Variants in STAP1 observed in about 807,000 individuals in gnomAD.
STAP1 encodes the protein signal-transducing adaptor protein 1.
Under a neutral mutation model 37.8 loss-of-function variants are expected in STAP1, and 30 were observed. That is an observed-to-expected ratio of 0.79 (90% CI 0.59 to 1.08). The LOEUF is 1.08. Ranked by LOEUF, STAP1 falls within the 50% of genes least tolerant of loss-of-function variation. The pLI, the probability that STAP1 is intolerant of heterozygous loss-of-function variation, is 0.00. For missense variants in STAP1, 357 were observed against 349.4 expected (o/e 1.02, Z -0.17); for synonymous variants, 130 against 116.0 (o/e 1.12, Z -0.78).
At chr4:67,589,786 A>C (rs1223057656) in intron 6 of STAP1, among the ~76,000 whole-genome samples, 1 of 151,646 alleles carries the variant, frequency 6.6e-6, no homozygotes, top group Non-Finnish European at 1.5e-5. Context: ...CTAGCAGATA[A>C]CATTATGAGG....
chr4:67,569,811 C>T (rs1727558764), intron 1 of STAP1, among the ~76,000 whole-genome samples: 1 of 152,100 alleles, frequency 6.6e-6, no homozygotes, highest in Non-Finnish European at 1.5e-5. Flanking sequence ...CTCATTGCAA[C>T]CTCTGCCTCC....
rs183557066 is a variant in STAP1 at position 67,558,802 on chromosome 4, A to G, written c.-8A>G. 1.7e-5 allele frequency: 27 copies of G among 1,608,742 alleles called. 1 individual carries two copies. Among genetic ancestry groups the G allele is most frequent in the Middle Eastern group, 3.3e-4 (2 of 6,006 alleles). ...CGAGAAACCAAACCACACACCAAAG[A>G]GAGGGGTATGATGGCTAAGAAGCCC... is the stretch of plus-strand genomic sequence containing the variant. On this transcript the variant is annotated 5_prime_UTR_variant, in exon 1 of 9. Coordinates refer to ENST00000265404, the MANE Select transcript of STAP1 (RefSeq NM_012108.4).
At chr4:67,565,251 G>C (rs960981481) in intron 1 of STAP1, among the ~76,000 whole-genome samples, 7 of 152,130 alleles carry the variant, frequency 4.6e-5, no homozygotes, top group African/African-American at 7.2e-5. Context: ...TTTACAGAAT[G>C]GCTATCTGAT....
At chr4:67,591,139 T>C (rs192982411) in intron 7 of STAP1, among the ~76,000 whole-genome samples, 186 bp downstream of exon 7, 59 of 152,254 alleles carry the variant, frequency 3.9e-4, no homozygotes, top group Admixed American at 8.5e-4. Flanking sequence ...TTCTTTCCAC[T>C]TTTCTTTTTC....
Position 67,606,590 on chromosome 4 carries a change from A to G in STAP1, c.*233A>G. The G allele has an allele frequency of 4.8e-6, 2 of 416,298 alleles. No individual in the cohort carries two copies. The highest frequency in any genetic ancestry group is 8.5e-6 in the Non-Finnish European group (2 of 235,408). 25.8% of individuals were successfully genotyped at this position (416,298 alleles called of 1,614,324 possible). A position where few individuals can be genotyped will look rare whatever the true frequency, so the allele number is the denominator to read the frequency against. ...CTGTGGTGGTAACCTGCAGATATAC[A>G]CATTCCCATGCACTGACATAAGTTG... On this transcript the variant is annotated 3_prime_UTR_variant, in exon 9 of 9. Coordinates refer to ENST00000265404, the MANE Select transcript of STAP1 (RefSeq NM_012108.4).
intron 8 of STAP1, among the ~76,000 whole-genome samples, chr4:67,600,344 T>G (rs186927286): frequency 2.6e-4 from 40 of 152,342 alleles, no homozygotes. Flanking sequence ...TCTAGTTTTA[T>G]TCCATTGTGG....
At position 67,577,563 on chromosome 4, in the gene STAP1, C is replaced by T. The variant is rs546504667; in HGVS notation, c.363+304C>T. Among the ~76,000 whole-genome samples the T allele has an allele frequency of 2.6e-5, 4 of 152,066 alleles. No individual in the cohort carries two copies. The East Asian group carries it at 7.7e-4, about 29-fold the overall frequency. ...ACTTTTTGGTCTTATCTGTTTGACT[C>T]AGTGGTCCTTTGTATATTCTGATAT... On this transcript the variant is annotated intron_variant, in intron 4 of 8. Coordinates refer to ENST00000265404, the MANE Select transcript of STAP1 (RefSeq NM_012108.4).
chr4:67,575,488 T>C lies in STAP1; in HGVS notation c.296T>C (p.Val99Ala). ...KFTLVLPKEEVQLKTENTESG... is the reference protein window; with the variant it reads ...KFTLVLPKEEAQLKTENTESG... ...ACCCTTGTTTTGCCGAAAGAGGAAG[T>C]ACAACTGAAGGTGAGCGAGGAGAAA... The change falls in exon 3 of 9, where the codon GTA becomes GCA. Residue 99 changes from valine to alanine, a missense_variant. Physicochemically the swap from Val to Ala is moderately conservative, Grantham distance 64. Transcript: ENST00000265404. 1 of 1,608,862 alleles carries C rather than the reference T, an allele frequency of 6.2e-7. No individual in the cohort carries two copies. The highest frequency in any genetic ancestry group is 8.5e-7 in the Non-Finnish European group (1 of 1,177,478).
Position 67,559,339 on chromosome 4 carries a change from C to T in STAP1, c.120+410C>T, listed in dbSNP as rs188271723. Among the ~76,000 whole-genome samples, 4 of 152,144 alleles carry T rather than the reference C, an allele frequency of 2.6e-5. No individual in the cohort carries two copies. In the East Asian group the frequency reaches 7.7e-4, roughly 29 times the overall value. On this transcript the variant is annotated intron_variant, in intron 1 of 8. Transcript: ENST00000265404. ...GATATCATGATTAAAATTAAACCTG[C>T]TCCTGTTCTGAGTCATTTGAAGTTT...
At position 67,583,590 on chromosome 4, in the gene STAP1, T is replaced by C; in HGVS notation, c.547T>C (p.Ser183Pro). 1 of 1,613,338 alleles carries C rather than the reference T, an allele frequency of 6.2e-7. No individual in the cohort carries two copies. The highest frequency in any genetic ancestry group is 1.3e-5 in the African/African-American group (1 of 74,980). ...CCTCTGTAGATGTTTTTATACAGTG[T>C]CCCGGAAAGAGGCAACTGAGATGCT... ...NPMPACFYTV[S>P]RKEATEMLQK... The change falls in exon 6 of 9, where the codon TCC becomes CCC. Residue 183 changes from serine (S) to proline (P), a missense_variant. By Grantham distance (74) the Ser-to-Pro change is moderately conservative (BLOSUM62 -1). Transcript: ENST00000265404.
intron 7 of STAP1, among the ~76,000 whole-genome samples, chr4:67,591,685 C>A (rs17556924): frequency 2.6e-5 from 4 of 151,916 alleles, no homozygotes; most frequent in African/African-American, 7.3e-5. Context: ...TTATATTTAC[C>A]TAGTTCCTCT....
chr4:67,586,796 G>C (rs146099348), intron 6 of STAP1, among the ~76,000 whole-genome samples: 53 of 152,286 alleles, frequency 3.5e-4, no homozygotes, highest in African/African-American at 1.2e-3. Context: ...TTTGTTAGCT[G>C]ATGGTCATCA....
intron 1 of STAP1, among the ~76,000 whole-genome samples, chr4:67,560,106 A>G (rs10013617): frequency 0.69 from 105,256 of 152,040 alleles, 37,651 homozygotes; most frequent in Non-Finnish European, 0.79. Flanking sequence ...AATTTAAATC[A>G]GGTTGTTCAT....
chr4:67,603,941 G>A (rs546270013), intron 8 of STAP1, among the ~76,000 whole-genome samples: 1 of 152,278 alleles, frequency 6.6e-6, no homozygotes, highest in East Asian at 1.9e-4. Flanking sequence ...CACAGGACTT[G>A]CCCAGGACCC....
At chr4:67,592,149 T>A (rs529451086) in intron 7 of STAP1, among the ~76,000 whole-genome samples, 42 of 150,846 alleles carry the variant, frequency 2.8e-4, no homozygotes, top group Admixed American at 6.0e-4. Flanking sequence ...GAGACAGGGG[T>A]CTTGCTGTGT....
intron 4 of STAP1, among the ~76,000 whole-genome samples, 166 bp from the exon 5 acceptor site, chr4:67,581,139 A>G (rs1163270859): frequency 1.3e-5 from 2 of 152,184 alleles, no homozygotes; most frequent in African/African-American, 2.4e-5. Context: ...CGGTTCTGAA[A>G]CACCCAACCT....
chr4:67,560,646 GTGTGTCTGT>G (rs1560453342), intron 1 of STAP1, among the ~76,000 whole-genome samples: 6 of 151,476 alleles, frequency 4.0e-5, no homozygotes, highest in African/African-American at 1.2e-4. Flanking sequence ...GTGTGTGGGT[GTGTGTCTGT>G]GTGTGTGTGT....
At chr4:67,602,625 C>T (rs549954282) in intron 8 of STAP1, among the ~76,000 whole-genome samples, 48 of 152,302 alleles carry the variant, frequency 3.2e-4, no homozygotes, top group African/African-American at 1.0e-3. Flanking sequence ...CCTTGATGGT[C>T]TTGGGTAAGA....
intron 8 of STAP1, among the ~76,000 whole-genome samples, chr4:67,596,182 C>T (rs983970677): frequency 6.6e-6 from 1 of 152,076 alleles, no homozygotes; most frequent in Non-Finnish European, 1.5e-5. Context: ...TCTCCTGATA[C>T]TGAGGGAGTT....
Sources: allele counts gnomAD v4.1 joint callset (sites outside exome capture counted in the v4.1 genomes callset), GRCh38; gene constraint gnomAD v4.1.1; transcripts MANE v1.5; gene names NCBI Gene and HGNC (gene_info 2026-07-23, HGNC 2026-07-21).